SRGAP2: variants seen among roughly 807,000 people sequenced by gnomAD.
The protein encoded by SRGAP2 is SLIT-ROBO Rho GTPase-activating protein 2.
SRGAP2 carries 15 observed loss-of-function variants against 57.2 expected under a neutral mutation model. That is an observed-to-expected ratio of 0.26 (90% CI 0.18 to 0.40). SRGAP2 has a LOEUF of 0.40. Among genes scored for constraint, SRGAP2 ranks in the 10% least tolerant of loss-of-function variants. The pLI, the probability that SRGAP2 is intolerant of heterozygous loss-of-function variation, is 1.00. For missense variants in SRGAP2, 520 were observed against 669.6 expected, an observed-to-expected ratio of 0.78 and a Z score of 2.47; for synonymous variants, 249 against 248.0, an observed-to-expected ratio of 1.00 and a Z score of -0.04.
chr1:206,413,090 C>A (rs1659360129), intron 10 of SRGAP2, among the ~76,000 whole-genome samples: 1 of 152,162 alleles, frequency 6.6e-6, no homozygotes, highest in Admixed American at 6.5e-5. Flanking sequence ...GAATTGTGAA[C>A]ATGAATTTAA....
At chr1:206,332,919 T>G (rs1223545869) in intron 3 of SRGAP2, among the ~76,000 whole-genome samples, 1 of 151,774 alleles carries the variant, frequency 6.6e-6, no homozygotes, top group Admixed American at 6.6e-5. Context: ...TCTGTTCTGT[T>G]TTTTCCCCAT....
chr1:206,417,130 G>A (rs1198783538), intron 11 of SRGAP2, among the ~76,000 whole-genome samples: 3 of 141,010 alleles, frequency 2.1e-5, no homozygotes, highest in African/African-American at 8.1e-5. Context: ...TTGAGATGGA[G>A]TCTTGCTATG....
intron 2 of SRGAP2, among the ~76,000 whole-genome samples, chr1:206,268,542 A>G (rs1371856223): frequency 6.6e-6 from 1 of 152,180 alleles, no homozygotes; most frequent in Non-Finnish European, 1.5e-5. Flanking sequence ...AAATAGAAAT[A>G]AAGCCAATAA....
chr1:206,435,313 C>T (rs567862307), intron 14 of SRGAP2, among the ~76,000 whole-genome samples: 1 of 152,262 alleles, frequency 6.6e-6, no homozygotes, highest in African/African-American at 2.4e-5. Flanking sequence ...AGCATTAGTC[C>T]ATTTTGTTTT....
At position 206,458,712 on chromosome 1, in the gene SRGAP2, C is replaced by T. The variant is rs1242463825; in HGVS notation, c.2597C>T (p.Ser866Phe). ...AGCAGTTCCCTGACTGACTCCTCCT[C>T]CCCAGGGGTGGGGGCTAGCTGCCGC... The part of the protein sequence containing the change: ...GLSSSLTDSS[S>F]PGVGASCRPS... The change falls in exon 22 of 23, where the codon TCC (serine) becomes TTC (phenylalanine). Residue 866 changes from serine to phenylalanine, a missense_variant. Coordinates refer to ENST00000573034, the MANE Select transcript of SRGAP2 (RefSeq NM_015326.5). The T allele has an allele frequency of 9.0e-6, 7 of 780,150 alleles. No homozygotes were observed. The highest frequency in any genetic ancestry group is 1.7e-5 in the Non-Finnish European group (7 of 417,728). 48.3% of individuals were successfully genotyped at this position (780,150 alleles called of 1,614,324 possible). A position where few individuals can be genotyped will look rare whatever the true frequency, so the allele number is the denominator to read the frequency against.
chr1:206,461,387 C>A lies in SRGAP2; in HGVS notation c.3183C>A (p.Ser1061=), dbSNP rs781947479. ...GCCCTGGTGTCAACTCATCAACTTC[C>A]CCACAGTCTACTGACAAGTCTTGTA... The part of the protein sequence containing the change: ...ATSPGVNSST[S]PQSTDKSCTV The change falls in exon 23 of 23, where the codon TCC becomes TCA. Residue 1061 remains serine, a synonymous_variant. Coordinates refer to ENST00000573034, the MANE Select transcript of SRGAP2 (RefSeq NM_015326.5). 3.8e-6 allele frequency: 3 copies of A among 780,076 alleles called. No homozygotes were observed. Among genetic ancestry groups the A allele is most frequent in the East Asian group, 2.4e-5 (1 of 41,260 alleles). 48.3% of individuals were successfully genotyped at this position (780,076 alleles called of 1,614,324 possible).
intron 5 of SRGAP2, among the ~76,000 whole-genome samples, chr1:206,389,943 CATAG>C (rs1656766379): frequency 6.6e-6 from 1 of 151,420 alleles, no homozygotes; most frequent in African/African-American, 2.4e-5. Context: ...ATGTCTAAGA[CATAG>C]ATATATAGAT....
At chr1:206,354,540 G>T (rs1676286563) in intron 4 of SRGAP2, among the ~76,000 whole-genome samples, 1 of 152,180 alleles carries the variant, frequency 6.6e-6, no homozygotes. Context: ...GGCTGAGGGG[G>T]TTCCTAGGAC....
At chr1:206,370,294 T>C (rs1654412440) in intron 4 of SRGAP2, among the ~76,000 whole-genome samples, 2 of 149,938 alleles carry the variant, frequency 1.3e-5, no homozygotes, top group African/African-American at 5.0e-5. Context: ...AATAAATAAA[T>C]AACCAAAAAG....
chr1:206,393,783 T>G (rs1182629211), intron 7 of SRGAP2, 110 bp downstream of exon 7: 1 of 515,248 alleles, frequency 1.9e-6, no homozygotes, highest in Non-Finnish European at 3.5e-6. Flanking sequence ...TTGAGAACAA[T>G]TAGGAAGATA....
chr1:206,373,101 T>TC lies in SRGAP2; in HGVS notation c.424-10913_424-10912insC, dbSNP rs1345241245. Among the ~76,000 whole-genome samples, 639 of 118,504 alleles carry TC rather than the reference T, an allele frequency of 5.4e-3. 25 individuals carry two copies. Among genetic ancestry groups the TC allele is most frequent in the African/African-American group, 0.023 (609 of 25,952 alleles). 77.7% of individuals were successfully genotyped at this position (118,504 alleles called of 152,430 possible). A position where few individuals can be genotyped will look rare whatever the true frequency, so the allele number is the denominator to read the frequency against. On this transcript the variant is annotated intron_variant, in intron 4 of 22. Transcript: ENST00000573034. ...CTTTCTTTCTGTCCTTTTTTTTTCT[T>TC]TTTTTTTTTTTTTTTTCTGAGTCTT...
chr1:206,416,607 G>A lies in SRGAP2; in HGVS notation c.1441+634G>A, dbSNP rs143349229. Among the ~76,000 whole-genome samples, 5 of 152,252 alleles carry A rather than the reference G, an allele frequency of 3.3e-5. No homozygotes were observed. In the East Asian group the frequency reaches 7.7e-4, roughly 23 times the overall value. Reference sequence around the variant, plus strand: ...AAGTAGCAAGGCAGAGAACTGGACCGGCACTCTGGACTTTCTCTCCTCAAC... The same window carrying A: ...AAGTAGCAAGGCAGAGAACTGGACCAGCACTCTGGACTTTCTCTCCTCAAC... On this transcript the variant is annotated intron_variant, in intron 11 of 22. Transcript: ENST00000573034.
Position 206,286,000 on chromosome 1 carries a change from T to C in SRGAP2, c.68-17281T>C, listed in dbSNP as rs1300376706. 5.3e-5 allele frequency among the ~76,000 whole-genome samples: 8 copies of C among 152,214 alleles called. No individual in the cohort carries two copies. In the East Asian group the frequency reaches 1.4e-3, roughly 26 times the overall value. On this transcript the variant is annotated intron_variant, in intron 2 of 22. Transcript: ENST00000573034. ...TTTTGAGTTTCAGGATGCCAACAGA[T>C]CCTGGATTCTGGCATCTGGATTATG... is the stretch of plus-strand genomic sequence containing the variant.
intron 17 of SRGAP2, among the ~76,000 whole-genome samples, chr1:206,444,367 A>G (rs1175491724): frequency 6.6e-6 from 1 of 152,202 alleles, no homozygotes; most frequent in African/African-American, 2.4e-5. Flanking sequence ...CTATGAATTG[A>G]ACAGTTCTTA....
chr1:206,375,524 A>T (rs1427865978), intron 4 of SRGAP2, among the ~76,000 whole-genome samples: 2 of 152,134 alleles, frequency 1.3e-5, no homozygotes, highest in African/African-American at 4.8e-5. Flanking sequence ...GAAAGCTTAG[A>T]TTTGATTGTC....
intron 3 of SRGAP2, among the ~76,000 whole-genome samples, chr1:206,320,787 C>G (rs1553327402): frequency 6.6e-6 from 1 of 151,978 alleles, no homozygotes; most frequent in Non-Finnish European, 1.5e-5. Flanking sequence ...AAAATGTTAA[C>G]ATATTACTAC....
chr1:206,323,561 C>G (rs2102842148), intron 3 of SRGAP2, among the ~76,000 whole-genome samples: 1 of 151,066 alleles, frequency 6.6e-6, no homozygotes. Context: ...TTTAGCGAAC[C>G]AAGAATCCAG....
intron 17 of SRGAP2, among the ~76,000 whole-genome samples, chr1:206,444,429 A>G (rs1261763658): frequency 6.6e-6 from 1 of 151,950 alleles, no homozygotes; most frequent in African/African-American, 2.4e-5. Flanking sequence ...TTGACTCAGG[A>G]CTCTCAGGAC....
At chr1:206,394,576 T>A (rs1267820886) in intron 7 of SRGAP2, among the ~76,000 whole-genome samples, 3 of 152,216 alleles carry the variant, frequency 2.0e-5, no homozygotes, top group Non-Finnish European at 4.4e-5. Flanking sequence ...GACTCACTTG[T>A]CCAAGGTTAT....
Sources: gnomAD v4.1 joint callset for allele counts (sites outside exome capture counted in the v4.1 genomes callset) on GRCh38, gnomAD v4.1.1 for gene constraint, MANE v1.5 for transcripts, NCBI Gene and HGNC (gene_info 2026-07-23, HGNC 2026-07-21) for gene names.